The following SLCO6A1 variants were observed in gnomAD, a reference collection of about 807,000 sequenced individuals.
SLCO6A1 encodes the protein cancer/testis antigen 48.
Under a neutral mutation model 72.7 loss-of-function variants are expected in SLCO6A1, and 65 were observed. The ratio of observed to expected loss-of-function variants is 0.89; its 90% CI spans 0.73 to 1.10. SLCO6A1 has a LOEUF of 1.10. Ranked by LOEUF, SLCO6A1 falls within the 50% of genes least tolerant of loss-of-function variation. The pLI, the probability that SLCO6A1 is intolerant of heterozygous loss-of-function variation, is 0.00. For synonymous variants in SLCO6A1, 314 were observed against 298.2 expected (o/e 1.05, Z -0.55); for missense variants, 874 against 872.6 (o/e 1.00, Z -0.02).
chr5:102,396,676 G>T (rs947705943), intron 10 of SLCO6A1, among the ~76,000 whole-genome samples: 4 of 152,052 alleles, frequency 2.6e-5, no homozygotes, highest in Non-Finnish European at 4.4e-5. Flanking sequence ...GGTGAGTGGG[G>T]TTTGTTGTTC....
At chr5:102,486,395 T>C (rs10075530) in intron 1 of SLCO6A1, among the ~76,000 whole-genome samples, 10,919 of 152,200 alleles carry the variant, frequency 0.072, 455 homozygotes, top group African/African-American at 0.1. Flanking sequence ...CTTCTAATAT[T>C]TTAGAAGTAT....
intron 6 of SLCO6A1, among the ~76,000 whole-genome samples, chr5:102,451,096 G>C (rs1480704189): frequency 6.7e-6 from 1 of 149,730 alleles, no homozygotes; most frequent in Non-Finnish European, 1.5e-5. Context: ...ACAGGGGCAG[G>C]ATTCCATGTG....
In SLCO6A1 at chr5:102,390,938, A is replaced by C. The variant is rs768658534; in HGVS notation, c.1879+43T>G. On this transcript the variant is annotated intron_variant, in intron 11 of 13. Coordinates refer to ENST00000506729, the MANE Select transcript of SLCO6A1 (RefSeq NM_173488.5). Reference sequence around the variant, plus strand: ...ACACATGTAGACATATATACATATCAAAAAACATTTTGATGTAATAAGAGA... The same window carrying C: ...ACACATGTAGACATATATACATATCCAAAAACATTTTGATGTAATAAGAGA... The C allele has an allele frequency of 1.0e-5, 16 of 1,551,754 alleles. No individual in the cohort carries two copies. The Admixed American group carries it at 1.2e-4, about 11-fold the overall frequency.
rs372185959 is a variant in SLCO6A1 at position 102,480,449 on chromosome 5, G to C, written c.359-15C>G. 1.3e-6 allele frequency: 2 copies of C among 1,585,668 alleles called. No individual in the cohort carries two copies. The highest frequency in any genetic ancestry group is 1.7e-6 in the Non-Finnish European group (2 of 1,169,430). On this transcript the variant is annotated splice_polypyrimidine_tract_variant and intron_variant, in intron 1 of 13. Transcript: ENST00000506729. ...AAACACCACACCTAAAATGTAAAAAGAAAAAGAGAAAACAACGATATGCAT... is the reference window on the plus strand; with the variant it reads ...AAACACCACACCTAAAATGTAAAAACAAAAAGAGAAAACAACGATATGCAT...
intron 6 of SLCO6A1, among the ~76,000 whole-genome samples, chr5:102,445,807 T>A (rs757556704): frequency 6.6e-6 from 1 of 152,200 alleles, no homozygotes; most frequent in Non-Finnish European, 1.5e-5. Context: ...TATCCCAGCA[T>A]CATTTATTGA....
At chr5:102,380,928 C>A (rs754019051) in intron 12 of SLCO6A1, among the ~76,000 whole-genome samples, 8 of 151,780 alleles carry the variant, frequency 5.3e-5, no homozygotes, top group Admixed American at 5.3e-4. Context: ...CCATGGAATT[C>A]TTTTCTCCCT....
chr5:102,437,946 C>T (rs185468516), intron 7 of SLCO6A1, among the ~76,000 whole-genome samples: 1 of 152,098 alleles, frequency 6.6e-6, no homozygotes, highest in East Asian at 1.9e-4. Flanking sequence ...TTTGCAACCT[C>T]TTTTGGAGAG....
At chr5:102,460,584 G>A (rs896359057) in intron 4 of SLCO6A1, among the ~76,000 whole-genome samples, 4 of 152,030 alleles carry the variant, frequency 2.6e-5, no homozygotes, top group African/African-American at 9.7e-5. Context: ...ATTAGGGGAG[G>A]TTGATTAATA....
At chr5:102,382,902 C>T (rs917678388) in intron 12 of SLCO6A1, among the ~76,000 whole-genome samples, 4 of 146,914 alleles carry the variant, frequency 2.7e-5, no homozygotes, top group Admixed American at 1.4e-4. Context: ...TATGTGTGTT[C>T]GTATATACAT....
chr5:102,473,390 T>C lies in SLCO6A1; in HGVS notation c.899+2307A>G, dbSNP rs143409884. 9.0e-3 allele frequency among the ~76,000 whole-genome samples: 1,376 copies of C among 152,152 alleles called. 14 individuals carry two copies. The highest frequency in any genetic ancestry group is 0.044 in the Middle Eastern group (13 of 294). On this transcript the variant is annotated intron_variant, in intron 4 of 13. Transcript: ENST00000506729. ...AAAACCACATGATCATGTCAATTGATTCAGAAAAAGCATCTGACAAAATTC... is the reference window on the plus strand; with the variant it reads ...AAAACCACATGATCATGTCAATTGACTCAGAAAAAGCATCTGACAAAATTC...
chr5:102,468,768 T>G (rs1751439538), intron 4 of SLCO6A1, among the ~76,000 whole-genome samples: 1 of 152,174 alleles, frequency 6.6e-6, no homozygotes, highest in Non-Finnish European at 1.5e-5. Context: ...TACTTCGTTT[T>G]CTTCTAGGGT....
chr5:102,396,114 C>T (rs1747066300), intron 10 of SLCO6A1, among the ~76,000 whole-genome samples: 1 of 152,120 alleles, frequency 6.6e-6, no homozygotes, highest in Non-Finnish European at 1.5e-5. Context: ...GAAGTCCTTG[C>T]CCATGCCTAT....
At chr5:102,423,764 C>T (rs1440681916) in intron 7 of SLCO6A1, among the ~76,000 whole-genome samples, 1 of 152,170 alleles carries the variant, frequency 6.6e-6, no homozygotes, top group Non-Finnish European at 1.5e-5. Context: ...AGCTCTGGAC[C>T]AAGCTGATCT....
Position 102,388,800 on chromosome 5 carries a change from A to G in SLCO6A1, c.1905T>C (p.Phe635=), listed in dbSNP as rs1746571183. ...TACAAGAAGTTTCTCCTGACATTTT[A>G]AAGATTGATGGTCCAGGAATAGTCC... ...IFGTIPGPSI[F]KMSGETSCIL... is the part of the protein sequence containing the mutation. The change falls in exon 12 of 14, where the codon TTT becomes TTC. Residue 635 remains phenylalanine (F), a synonymous_variant. Transcript: ENST00000506729. The G allele has an allele frequency of 6.2e-7, 1 of 1,605,808 alleles. No homozygotes were observed. The highest frequency in any genetic ancestry group is 8.5e-7 in the Non-Finnish European group (1 of 1,177,710).
chr5:102,452,891 T>C (rs1267692188), intron 6 of SLCO6A1, among the ~76,000 whole-genome samples: 1 of 152,160 alleles, frequency 6.6e-6, no homozygotes, highest in Non-Finnish European at 1.5e-5. Context: ...GTGTCAAGAG[T>C]TTCTAAACAG....
chr5:102,484,971 G>C (rs1752378281), intron 1 of SLCO6A1, among the ~76,000 whole-genome samples: 1 of 152,118 alleles, frequency 6.6e-6, no homozygotes, highest in South Asian at 2.1e-4. Flanking sequence ...AAAAAGGCCT[G>C]GCCAGGAGCA....
intron 1 of SLCO6A1, among the ~76,000 whole-genome samples, chr5:102,494,239 T>A (rs1480610067): frequency 4.6e-5 from 7 of 152,014 alleles, no homozygotes; most frequent in Non-Finnish European, 1.0e-4. Context: ...ATGAAAAAAA[T>A]TTAAAACTTG....
intron 12 of SLCO6A1, 52 bp from the exon 13 acceptor site, chr5:102,373,546 A>T: frequency 7.9e-7 from 1 of 1,266,622 alleles, no homozygotes; most frequent in South Asian, 2.5e-5. Flanking sequence ...TAGAACAAAA[A>T]TGTAGGCAAA....
rs1372284356 is a variant in SLCO6A1 at position 102,388,671 on chromosome 5, T to A, written c.2017+17A>T. 6 of 1,486,238 alleles carry A rather than the reference T, an allele frequency of 4.0e-6. No homozygotes were observed. Among genetic ancestry groups the A allele is most frequent in the East Asian group, 4.7e-5 (2 of 42,738 alleles). 92.1% of individuals were successfully genotyped at this position (1,486,238 alleles called of 1,614,324 possible). A position where few individuals can be genotyped will look rare whatever the true frequency, so the allele number is the denominator to read the frequency against. On this transcript the variant is annotated intron_variant, in intron 12 of 13. Coordinates refer to ENST00000506729, the MANE Select transcript of SLCO6A1 (RefSeq NM_173488.5). ...AATAATTTTATTTCTCTAAGTTTTT[T>A]AATAAGTATCACTTACATATTCCTA...
Sources: allele counts gnomAD v4.1 joint callset (sites outside exome capture counted in the v4.1 genomes callset), GRCh38; gene constraint gnomAD v4.1.1; transcripts MANE v1.5; gene names NCBI Gene and HGNC (gene_info 2026-07-23, HGNC 2026-07-21).